HOMER1: variants seen among roughly 807,000 people sequenced by gnomAD.
HOMER1 encodes the protein homer scaffold protein 1.
HOMER1 carries 3 observed loss-of-function variants against 48.9 expected under a neutral mutation model. The ratio of observed to expected loss-of-function variants is 0.06; its 90% CI spans 0.03 to 0.16. The LOEUF is 0.16. Among genes scored for constraint, HOMER1 ranks in the 10% least tolerant of loss-of-function variants. The pLI, the probability that HOMER1 is intolerant of heterozygous loss-of-function variation, is 1.00. For missense variants in HOMER1, 247 were observed against 411.4 expected (o/e 0.60, Z 3.46); for synonymous variants, 134 against 146.4 (o/e 0.92, Z 0.61).
chr5:79,506,025 CTG>C (rs1752755436), intron 1 of HOMER1, among the ~76,000 whole-genome samples: 1 of 152,078 alleles, frequency 6.6e-6, no homozygotes, highest in African/African-American at 2.4e-5. Context: ...ATTCTATTAT[CTG>C]AAATGTTTAG....
rs936665770 is a variant in HOMER1, at chr5:79,506,424, G to C, written c.5+6346C>G. ...CAAATGTGTTACACTCAGGACAGAC[G>C]GAAAAAGGAGTATCAAAAGGTATGA... On this transcript the variant is annotated intron_variant, in intron 1 of 8. Transcript: ENST00000334082. Among the ~76,000 whole-genome samples the C allele has an allele frequency of 2.0e-3, 297 of 151,974 alleles. 2 individuals are homozygous for C. The highest frequency in any genetic ancestry group is 7.1e-3 in the African/African-American group (296 of 41,468).
At chr5:79,416,264 AAC>A (rs1318284292) in intron 5 of HOMER1, among the ~76,000 whole-genome samples, 3 of 152,238 alleles carry the variant, frequency 2.0e-5, no homozygotes, top group Non-Finnish European at 4.4e-5. Context: ...AGCAAGTTTA[AAC>A]CTTTTATGTA....
At chr5:79,496,383 T>C (rs533092837) in intron 1 of HOMER1, among the ~76,000 whole-genome samples, 8 of 152,218 alleles carry the variant, frequency 5.3e-5, no homozygotes, top group Non-Finnish European at 1.0e-4. Flanking sequence ...TTCCCATTCC[T>C]GGCTTTCAGA....
intron 5 of HOMER1, among the ~76,000 whole-genome samples, chr5:79,433,756 G>A (rs942656669): frequency 2.0e-4 from 31 of 152,116 alleles, no homozygotes; most frequent in African/African-American, 7.0e-4. Flanking sequence ...CCTAGTCATA[G>A]TTTTAGAGTG....
In HOMER1 at chr5:79,373,763, C is replaced by T. The variant is rs907779471; in HGVS notation, c.*2246G>A. The T allele has an allele frequency of 2.0e-5, 3 of 151,832 alleles. No individual in the cohort carries two copies. Among genetic ancestry groups the T allele is most frequent in the Non-Finnish European group, 2.9e-5 (2 of 67,844 alleles). 9.4% of individuals were successfully genotyped at this position (151,832 alleles called of 1,614,324 possible). A position where few individuals can be genotyped will look rare whatever the true frequency, so the allele number is the denominator to read the frequency against. Reference sequence around the variant, plus strand: ...ATTGTTAAATCACTAAAAAAGGAAACAATTAGGCTCTATTGGACAAGAAAA... The same window carrying T: ...ATTGTTAAATCACTAAAAAAGGAAATAATTAGGCTCTATTGGACAAGAAAA... On this transcript the variant is annotated 3_prime_UTR_variant, in exon 9 of 9. Coordinates refer to ENST00000334082, the MANE Select transcript of HOMER1 (RefSeq NM_004272.5).
chr5:79,405,177 T>C (rs1452238795), intron 5 of HOMER1, among the ~76,000 whole-genome samples: 7 of 152,072 alleles, frequency 4.6e-5, no homozygotes, highest in Non-Finnish European at 7.4e-5. Context: ...TAATCCAGTA[T>C]AAATGGTGTC....
Position 79,514,132 on chromosome 5 carries a change from A to C in HOMER1, c.-1358T>G, listed in dbSNP as rs2112393864. 6.6e-6 allele frequency: 1 copy of C among 151,866 alleles called. No homozygotes were observed. The highest frequency in any genetic ancestry group is 1.5e-5 in the Non-Finnish European group (1 of 67,900). 9.4% of individuals were successfully genotyped at this position (151,866 alleles called of 1,614,324 possible). Reference sequence around the variant, plus strand: ...CGGCGTGAAGCTAGCGCGGCGGCAGAGTGGGCTGCGGGGGGCGGGAAGGGG... The same window carrying C: ...CGGCGTGAAGCTAGCGCGGCGGCAGCGTGGGCTGCGGGGGGCGGGAAGGGG... On this transcript the variant is annotated 5_prime_UTR_variant, in exon 1 of 9. Coordinates refer to ENST00000334082, the MANE Select transcript of HOMER1 (RefSeq NM_004272.5).
At chr5:79,404,150 A>G (rs1026006240) in intron 5 of HOMER1, among the ~76,000 whole-genome samples, 1 of 152,236 alleles carries the variant, frequency 6.6e-6, no homozygotes, top group African/African-American at 2.4e-5. Flanking sequence ...TAATTTAAAC[A>G]CTTGTTACAT....
chr5:79,391,036 AAAAC>A (rs1749234888), intron 8 of HOMER1, among the ~76,000 whole-genome samples: 2 of 152,200 alleles, frequency 1.3e-5, no homozygotes, highest in Admixed American at 6.5e-5. Flanking sequence ...AAAAAAATAA[AAAAC>A]AAAGCACAAG....
chr5:79,402,051 C>G lies in HOMER1; in HGVS notation c.532G>C (p.Ala178Pro). The change falls in exon 6 of 9, where the codon GCA becomes CCA. Residue 178 changes from alanine to proline, a missense_variant. Around this residue, in one of 4 missense-constraint regions of HOMER1, gnomAD observed 94 missense variants for 112.4 expected, o/e 0.84. Transcript: ENST00000334082. ...TCAGCCTCCCAATGTTTGCTGATTG[C>G]TGAACTAAAATAAAACAAAAAGAAA... ...QNALPFSHSS[A>P]ISKHWEAELA... 6.2e-7 allele frequency: 1 copy of G among 1,612,120 alleles called. No homozygotes were observed.
chr5:79,486,199 GCCACC>G (rs1326023014), intron 1 of HOMER1, among the ~76,000 whole-genome samples: 2 of 152,152 alleles, frequency 1.3e-5, no homozygotes, highest in African/African-American at 4.8e-5. Context: ...CCTCAGTTAA[GCCACC>G]CCAGCCAATG....
intron 5 of HOMER1, among the ~76,000 whole-genome samples, chr5:79,426,534 A>C (rs1427656232): frequency 1.3e-5 from 2 of 152,090 alleles, no homozygotes; most frequent in African/African-American, 4.8e-5. Flanking sequence ...GTTAAATAAA[A>C]TAAGCCATGC....
At chr5:79,425,922 A>C (rs1163179190) in intron 5 of HOMER1, among the ~76,000 whole-genome samples, 1 of 152,042 alleles carries the variant, frequency 6.6e-6, no homozygotes, top group Non-Finnish European at 1.5e-5. Context: ...TTCTGAAAAC[A>C]CTTTTGCTAA....
chr5:79,505,900 G>A (rs1752752889), intron 1 of HOMER1, among the ~76,000 whole-genome samples: 1 of 152,008 alleles, frequency 6.6e-6, no homozygotes, highest in African/African-American at 2.4e-5. Flanking sequence ...TCAAATGTTA[G>A]TTCTATGTAT....
rs114933082 is a variant in HOMER1 at position 79,462,264 on chromosome 5, T to A, written c.6-5246A>T. On this transcript the variant is annotated intron_variant, in intron 1 of 8. Transcript: ENST00000334082. ...CACTTTAATCATAGAGCACTATCTA[T>A]TCGGTAACTTCTTACATGAATAACC... 5.4e-3 allele frequency among the ~76,000 whole-genome samples: 824 copies of A among 152,276 alleles called. 14 individuals carry two copies. The highest frequency in any genetic ancestry group is 3.8e-3 in the Non-Finnish European group (258 of 68,018).
At chr5:79,426,442 AC>A (rs1180459439) in intron 5 of HOMER1, among the ~76,000 whole-genome samples, 2 of 152,142 alleles carry the variant, frequency 1.3e-5, no homozygotes, top group Non-Finnish European at 2.9e-5. Flanking sequence ...TGTTACATAT[AC>A]ACAATGGAGT....
chr5:79,412,097 C>T (rs547990819), intron 5 of HOMER1, among the ~76,000 whole-genome samples: 15 of 152,094 alleles, frequency 9.9e-5, no homozygotes, highest in East Asian at 3.9e-4. Context: ...CCAGCCTGGG[C>T]GACAGAGCAT....
intron 1 of HOMER1, among the ~76,000 whole-genome samples, chr5:79,498,098 T>A (rs1279794545): frequency 6.6e-6 from 1 of 152,152 alleles, no homozygotes; most frequent in Non-Finnish European, 1.5e-5. Context: ...CCTTCTTCAG[T>A]CAAGAGTTAA....
chr5:79,413,691 C>T (rs1441864101), intron 5 of HOMER1, among the ~76,000 whole-genome samples: 1 of 131,660 alleles, frequency 7.6e-6, no homozygotes, highest in Non-Finnish European at 1.5e-5. Context: ...TAAATTTTAA[C>T]GTAAAAAAAA....
Sources: gnomAD v4.1 joint callset for allele counts (sites outside exome capture counted in the v4.1 genomes callset) on GRCh38, gnomAD v4.1.1 for gene constraint, gnomAD v4.1.1 regional missense constraint, MANE v1.5 for transcripts, NCBI Gene and HGNC (gene_info 2026-07-23, HGNC 2026-07-21) for gene names.